The following DNAJC7 variants were observed in gnomAD, a reference collection of about 807,000 sequenced individuals.
The protein encoded by DNAJC7 is DnaJ heat shock protein family (Hsp40) member C7.
A neutral mutation model predicts 67.4 loss-of-function variants in DNAJC7; 18 were observed. The ratio of observed to expected loss-of-function variants is 0.27; its 90% CI spans 0.18 to 0.40. The LOEUF (loss-of-function observed/expected upper bound fraction) is 0.40. Among genes scored for constraint, DNAJC7 ranks in the 10% least tolerant of loss-of-function variants. The pLI, the probability that DNAJC7 is intolerant of heterozygous loss-of-function variation, is 1.00. For synonymous variants in DNAJC7, 220 were observed against 207.8 expected (o/e 1.06, Z -0.50); for missense variants, 419 against 613.8 (o/e 0.68, Z 3.35).
intron 9 of DNAJC7, chr17:41,985,318 G>A (rs2051348571): frequency 6.6e-6 from 1 of 151,586 alleles, no homozygotes; most frequent in South Asian, 2.1e-4. Context: ...TATATTAGGA[G>A]TTCAGAATCA....
At chr17:42,006,387 G>A (rs1296852053) in intron 1 of DNAJC7, among the ~76,000 whole-genome samples, 1 of 151,558 alleles carries the variant, frequency 6.6e-6, no homozygotes, top group Non-Finnish European at 1.5e-5. Flanking sequence ...GAAATTATAG[G>A]CTCACGCCTA....
chr17:41,977,458 TC>T, intron 12 of DNAJC7, 135 bp from the exon 13 acceptor site: 1 of 772,758 alleles, frequency 1.3e-6, no homozygotes, highest in South Asian at 1.8e-5. Context: ...TCCCAACACT[TC>T]AGACTGCAAG....
intron 2 of DNAJC7, among the ~76,000 whole-genome samples, chr17:41,999,517 A>T (rs1205984445): frequency 6.6e-6 from 1 of 151,714 alleles, no homozygotes; most frequent in Non-Finnish European, 1.5e-5. Flanking sequence ...ACTTTTCTCA[A>T]TTTTTTTTAA....
chr17:42,008,554 C>A (rs894652395), intron 1 of DNAJC7, among the ~76,000 whole-genome samples: 1 of 150,272 alleles, frequency 6.7e-6, no homozygotes, highest in African/African-American at 2.4e-5. Flanking sequence ...TGACTACAGG[C>A]GCCTGCCACC....
At chr17:42,004,907 C>T (rs1427304237) in intron 1 of DNAJC7, among the ~76,000 whole-genome samples, 2 of 152,100 alleles carry the variant, frequency 1.3e-5, no homozygotes, top group African/African-American at 4.8e-5. Flanking sequence ...AGTCTGTAGT[C>T]CCAACTACTT....
In DNAJC7 at chr17:41,988,877, G is replaced by C. The variant is rs542047434; in HGVS notation, c.773C>G (p.Ala258Gly). The C allele has an allele frequency of 5.1e-5, 82 of 1,612,984 alleles. 2 individuals are homozygous for C. The South Asian group carries it at 8.5e-4, about 17-fold the overall frequency. ...IACRNAKALK[A>G]KKEDGNKAFK... ...TGCTTTATTCCCATCTTCTTTCTTT[G>C]CTTTGAGTGCTTTGGCATTCTACAG... Residue 258 changes from alanine (A) to glycine (G), a missense_variant, in exon 8 of 14, where the codon GCA (alanine) becomes GGA (glycine). By Grantham distance (60) the Ala-to-Gly change is moderately conservative. This residue lies in a region of DNAJC7 where 16 missense variants were observed against 57.9 expected (regional missense o/e 0.28). Coordinates refer to ENST00000457167, the MANE Select transcript of DNAJC7 (RefSeq NM_003315.4).
intron 12 of DNAJC7, 85 bp from the exon 13 acceptor site, chr17:41,977,408 G>T: frequency 8.0e-7 from 1 of 1,247,524 alleles, no homozygotes; most frequent in Non-Finnish European, 1.1e-6. Context: ...ACTGAGAACA[G>T]ATCTCCAAAG....
chr17:41,989,629 A>C, intron 6 of DNAJC7, 72 bp from the exon 7 acceptor site: 1 of 1,567,250 alleles, frequency 6.4e-7, no homozygotes, highest in Non-Finnish European at 8.7e-7. Context: ...ATTTGTGGCC[A>C]GTTTTCCTCC....
chr17:41,990,409 G>A (rs1555647605), intron 5 of DNAJC7, 27 bp from the exon 6 acceptor site: 3 of 1,560,856 alleles, frequency 1.9e-6, no homozygotes, highest in East Asian at 2.3e-5. Flanking sequence ...AACAAATAAG[G>A]CTCTTCATCA....
chr17:41,981,513 A>T, intron 12 of DNAJC7: 1 of 198,656 alleles, frequency 5.0e-6, no homozygotes, highest in Non-Finnish European at 1.0e-5. Flanking sequence ...TATTTTTAGT[A>T]GAGACAGGGT....
intron 1 of DNAJC7, 114 bp downstream of exon 1, chr17:42,017,226 T>A (rs917070579): frequency 3.0e-5 from 48 of 1,597,866 alleles, no homozygotes; most frequent in Non-Finnish European, 3.7e-5. Flanking sequence ...GGGGGGGTGT[T>A]TGCGGAGGGC....
chr17:42,012,455 C>T lies in DNAJC7; in HGVS notation c.77+4885G>A, dbSNP rs147400553. On this transcript the variant is annotated intron_variant, in intron 1 of 13. Transcript: ENST00000457167. The stretch of plus-strand genomic sequence containing the variant: ...CTGAGATCACACCACTGCACTCCAG[C>T]CTGGTGACAGAGCGAGACTCCGTCA... Among the ~76,000 whole-genome samples, 459 of 152,330 alleles carry T rather than the reference C, an allele frequency of 3.0e-3. 2 individuals are homozygous for T. The highest frequency in any genetic ancestry group is 0.011 in the African/African-American group (441 of 41,564).
At chr17:41,987,951 G>T in intron 8 of DNAJC7, 41 bp from the exon 9 acceptor site, 1 of 1,547,844 alleles carries the variant, frequency 6.5e-7, no homozygotes, top group South Asian at 1.2e-5. Flanking sequence ...CACCTTTGGT[G>T]ACTGAGGGAG....
At chr17:42,007,899 G>T (rs748758262) in intron 1 of DNAJC7, among the ~76,000 whole-genome samples, 4 of 133,316 alleles carry the variant, frequency 3.0e-5, no homozygotes, top group Non-Finnish European at 6.1e-5. Flanking sequence ...AGGCTGGAGT[G>T]CAATGGCGTG....
intron 1 of DNAJC7, chr17:42,016,926 G>A: frequency 8.8e-7 from 1 of 1,132,866 alleles, no homozygotes; most frequent in South Asian, 1.9e-5. Flanking sequence ...GGAGAGCAAA[G>A]GTTTTGGAGA....
rs563313351 is a variant in DNAJC7, at chr17:41,987,747, C to G, written c.1010+72G>C. 2.2e-5 allele frequency: 29 copies of G among 1,323,804 alleles called. No homozygotes were observed. The South Asian group carries it at 2.9e-4, about 13-fold the overall frequency. 82.0% of individuals were successfully genotyped at this position (1,323,804 alleles called of 1,614,324 possible). A position where few individuals can be genotyped will look rare whatever the true frequency, so the allele number is the denominator to read the frequency against. ...CCTCACAACATCTCTGGGTCTGCTT[C>G]GTCATCCACAAGGCAATTCCCCTGA... On this transcript the variant is annotated intron_variant, in intron 9 of 13. Transcript: ENST00000457167.
intron 1 of DNAJC7, among the ~76,000 whole-genome samples, chr17:42,005,095 T>TA (rs2051911528): frequency 6.6e-6 from 1 of 152,224 alleles, no homozygotes; most frequent in Admixed American, 6.5e-5. Flanking sequence ...AAATGTTCGT[T>TA]AAAATCTGTA....
chr17:41,980,343 C>T (rs2051216653), intron 12 of DNAJC7, among the ~76,000 whole-genome samples: 1 of 152,072 alleles, frequency 6.6e-6, no homozygotes, highest in Non-Finnish European at 1.5e-5. Context: ...CCACCATGCC[C>T]AGCAAATTTT....
intron 8 of DNAJC7, among the ~76,000 whole-genome samples, chr17:41,988,338 A>G (rs1219118652): frequency 1.3e-5 from 2 of 152,200 alleles, no homozygotes; most frequent in Admixed American, 6.5e-5. Context: ...TCAACCATGC[A>G]TGGTGACCAT....
Sources: gnomAD v4.1 joint callset for allele counts (sites outside exome capture counted in the v4.1 genomes callset) on GRCh38, gnomAD v4.1.1 for gene constraint, gnomAD v4.1.1 regional missense constraint, MANE v1.5 for transcripts, NCBI Gene and HGNC (gene_info 2026-07-23, HGNC 2026-07-21) for gene names.